Variants in CD244 observed in about 807,000 individuals in gnomAD.
CD244 encodes CD244 molecule.
A neutral mutation model predicts 45.5 loss-of-function variants in CD244; 20 were observed. The observed-to-expected ratio is 0.44, with a 90% CI of 0.31 to 0.64. CD244 has a LOEUF of 0.64. Ranked by LOEUF, CD244 falls within the 30% of genes least tolerant of loss-of-function variation. CD244 has a pLI of 0.08. For missense variants in CD244, 407 were observed against 426.9 expected (o/e 0.95, Z 0.41); for synonymous variants, 185 against 160.5 (o/e 1.15, Z -1.15).
intron 7 of CD244, chr1:160,832,856 ATGTGTGTGTG>A (rs1553194331): frequency 3.2e-6 from 1 of 309,686 alleles, no homozygotes; most frequent in East Asian, 7.3e-5. Flanking sequence ...CCATACACAT[ATGTGTGTGTG>A]TGTGTATATA....
rs1267476651 is a variant in CD244 at position 160,841,401 on chromosome 1, G to A, written c.464C>T (p.Ser155Phe). 2 of 1,614,050 alleles carry A rather than the reference G, an allele frequency of 1.2e-6. No homozygotes were observed. The highest frequency in any genetic ancestry group is 1.7e-5 in the Admixed American group (1 of 59,996). Residue 155 changes from serine (S) to phenylalanine (F), a missense_variant, in exon 3 of 9, where the codon TCC becomes TTC. Coordinates refer to ENST00000368034, the MANE Select transcript of CD244 (RefSeq NM_016382.4). ...AGCATAGGACACATTGCCATCCCTG[G>A]AGACCAAGCAAGACAGAGCCACTTG... ...RCQVALSCLV[S>F]RDGNVSYAWY...
intron 1 of CD244, among the ~76,000 whole-genome samples, chr1:160,843,547 G>C (rs1313289964): frequency 1.3e-5 from 2 of 152,200 alleles, no homozygotes; most frequent in Non-Finnish European, 2.9e-5. Context: ...TGACTCCAGA[G>C]AGTTTGTGAT....
At chr1:160,834,689 T>C (rs1378353080) in intron 6 of CD244, among the ~76,000 whole-genome samples, 3 of 152,212 alleles carry the variant, frequency 2.0e-5, no homozygotes, top group South Asian at 2.1e-4. Flanking sequence ...AAAATAAGAA[T>C]GATCATAATT....
chr1:160,838,953 T>C lies in CD244; in HGVS notation c.752A>G (p.Lys251Arg). 1 of 1,613,032 alleles carries C rather than the reference T, an allele frequency of 6.2e-7. No individual in the cohort carries two copies. Among genetic ancestry groups the C allele is most frequent in the Non-Finnish European group, 8.5e-7 (1 of 1,179,126 alleles). Residue 251 changes from lysine to arginine, a missense_variant, in exon 4 of 9, where the codon AAG becomes AGG. Physicochemically the swap from Lys to Arg is conservative, Grantham distance 26. Transcript: ENST00000368034. Reference protein sequence around the residue: ...ACFCVWRRKRKEKQSETSPKE... With the variant: ...ACFCVWRRKRREKQSETSPKE... ...CTTCCACTCACCTGACTGCTTCTCC[T>C]TCCTCTTTCTCCTCCACACACAGAA...
intron 1 of CD244, among the ~76,000 whole-genome samples, chr1:160,851,992 A>G (rs1669935150): frequency 6.6e-6 from 1 of 152,260 alleles, no homozygotes; most frequent in Non-Finnish European, 1.5e-5. Context: ...AAAGACTGGG[A>G]GAAAATGTTT....
Position 160,836,764 on chromosome 1 carries a change from T to C in CD244, c.835-510A>G, listed in dbSNP as rs928219878. 2.6e-5 allele frequency among the ~76,000 whole-genome samples: 4 copies of C among 152,284 alleles called. No homozygotes were observed. The South Asian group carries it at 6.2e-4, about 24-fold the overall frequency. ...CAAAGCAGGAAGCAGAGCTTCCTGC[T>C]TCCCTTTTCTTGTTCCTACCCCTTA... On this transcript the variant is annotated intron_variant, in intron 5 of 8. Transcript: ENST00000368034.
chr1:160,845,994 A>G (rs1669719564), intron 1 of CD244, among the ~76,000 whole-genome samples: 1 of 152,212 alleles, frequency 6.6e-6, no homozygotes, highest in Non-Finnish European at 1.5e-5. Context: ...CCCTTCACAA[A>G]ACAAACAACT....
intron 1 of CD244, among the ~76,000 whole-genome samples, chr1:160,848,917 C>T (rs1557840347): frequency 6.6e-6 from 1 of 152,208 alleles, no homozygotes. Flanking sequence ...GCCACTCCAG[C>T]AAATTAATTG....
intron 1 of CD244, among the ~76,000 whole-genome samples, chr1:160,857,844 C>T (rs943638345): frequency 1.3e-5 from 2 of 152,040 alleles, no homozygotes; most frequent in African/African-American, 4.8e-5. Context: ...CCCAGGAGGT[C>T]AAGACCAGCC....
At position 160,838,907 on chromosome 1, in the gene CD244, C is replaced by A. The variant is rs200849203; in HGVS notation, c.766+32G>T. The A allele has an allele frequency of 4.6e-4, 661 of 1,452,368 alleles. 2 individuals are homozygous for A. In the African/African-American group the frequency reaches 8.1e-3, roughly 18 times the overall value. 90.0% of individuals were successfully genotyped at this position (1,452,368 alleles called of 1,614,324 possible). Reference sequence around the variant, plus strand: ...AAGTCACAGGATCCAAGGCCTCAGGCAGGAGCACCACCCTAAGGACCTTCC... The same window carrying A: ...AAGTCACAGGATCCAAGGCCTCAGGAAGGAGCACCACCCTAAGGACCTTCC... On this transcript the variant is annotated intron_variant, in intron 4 of 8. Coordinates refer to ENST00000368034, the MANE Select transcript of CD244 (RefSeq NM_016382.4).
chr1:160,832,061 CA>C (rs1400888544), intron 8 of CD244, among the ~76,000 whole-genome samples: 1 of 152,208 alleles, frequency 6.6e-6, no homozygotes, highest in East Asian at 1.9e-4. Flanking sequence ...ATTCAACCAC[CA>C]GGCTCAGTGG....
At chr1:160,839,991 C>T (rs1416295972) in intron 3 of CD244, among the ~76,000 whole-genome samples, 4 of 152,138 alleles carry the variant, frequency 2.6e-5, no homozygotes. Flanking sequence ...CAAGGGCTGA[C>T]AAGGCTCTTT....
chr1:160,842,510 C>A (rs1669578929), intron 1 of CD244, among the ~76,000 whole-genome samples: 2 of 152,104 alleles, frequency 1.3e-5, no homozygotes, highest in Non-Finnish European at 2.9e-5. Context: ...CCAAGCAGTG[C>A]TGAGGCAACT....
At chr1:160,849,283 C>CTTTTTTTTTTTT (rs371170555) in intron 1 of CD244, among the ~76,000 whole-genome samples, 23 of 139,306 alleles carry the variant, frequency 1.7e-4, no homozygotes, top group Non-Finnish European at 2.5e-4. Context: ...CCATCTCTTT[C>CTTTTTTTTTTTT]TTTTTTTTTT....
At chr1:160,848,272 C>G in intron 1 of CD244, 1 of 568,108 alleles carries the variant, frequency 1.8e-6, no homozygotes, top group Non-Finnish European at 3.5e-6. Context: ...GTGAGAACTT[C>G]ATCCTGAAGC....
rs571257140 is a variant in CD244 at position 160,835,811 on chromosome 1, T to C, written c.894+384A>G. On this transcript the variant is annotated intron_variant, in intron 6 of 8. Transcript: ENST00000368034. ...TAAAATAAAAGAGATCAATGCAGAT[T>C]CATTCTTTCCTGAAAACGAATATAA... is the stretch of plus-strand genomic sequence containing the variant. 2.0e-5 allele frequency among the ~76,000 whole-genome samples: 3 copies of C among 152,348 alleles called. No individual in the cohort carries two copies. In the East Asian group the frequency reaches 5.8e-4, roughly 29 times the overall value.
intron 1 of CD244, among the ~76,000 whole-genome samples, chr1:160,854,649 C>T (rs1442630348): frequency 6.6e-6 from 1 of 152,066 alleles, no homozygotes; most frequent in Non-Finnish European, 1.5e-5. Context: ...CCGTCTCAGC[C>T]TCCCAAAGTT....
chr1:160,835,861 AG>A (rs1450673601), intron 6 of CD244, among the ~76,000 whole-genome samples: 1 of 152,158 alleles, frequency 6.6e-6, no homozygotes, highest in Non-Finnish European at 1.5e-5. Context: ...AAAAAGTGCA[AG>A]GGCCCCAAGT....
chr1:160,832,915 T>G (rs1669184075), intron 7 of CD244, among the ~76,000 whole-genome samples: 1 of 151,364 alleles, frequency 6.6e-6, no homozygotes, highest in Admixed American at 6.6e-5. Flanking sequence ...TACATATTTG[T>G]GTATATATAT....
Sources: gnomAD v4.1 joint callset for allele counts (sites outside exome capture counted in the v4.1 genomes callset) on GRCh38, gnomAD v4.1.1 for gene constraint, MANE v1.5 for transcripts, NCBI Gene and HGNC (gene_info 2026-07-23, HGNC 2026-07-21) for gene names.